Variants in CTDSPL2 observed in about 807,000 individuals in gnomAD.
CTDSPL2 encodes the protein CTD small phosphatase-like protein 2.
In CTDSPL2, 5 loss-of-function variants were observed where a neutral mutation model predicts 60.0. The observed-to-expected ratio is 0.08, with a 90% CI of 0.04 to 0.18. The LOEUF (loss-of-function observed/expected upper bound fraction) is 0.18. CTDSPL2 is among the 10% of genes least tolerant of loss of function. CTDSPL2 has a pLI of 1.00. For synonymous variants in CTDSPL2, 186 were observed against 189.3 expected (o/e 0.98, Z 0.14); for missense variants, 370 against 548.8 (o/e 0.67, Z 3.26).
chr15:44,455,421 C>T (rs1341198899), intron 1 of CTDSPL2, among the ~76,000 whole-genome samples: 3 of 152,094 alleles, frequency 2.0e-5, no homozygotes, highest in Admixed American at 6.6e-5. Context: ...TTTCTTTCTC[C>T]TGCCTTATTG....
chr15:44,489,136 C>G (rs550660750), intron 4 of CTDSPL2, among the ~76,000 whole-genome samples: 2 of 150,056 alleles, frequency 1.3e-5, no homozygotes, highest in Admixed American at 6.7e-5. Context: ...TCTCTTCCCC[C>G]CTCCCCCCCA....
intron 1 of CTDSPL2, among the ~76,000 whole-genome samples, chr15:44,441,903 A>G (rs1231432060): frequency 6.6e-6 from 1 of 151,996 alleles, no homozygotes; most frequent in Non-Finnish European, 1.5e-5. Context: ...TAATTCCCCG[A>G]CTTCTTTGCC....
rs1312588839 is a variant in CTDSPL2, at chr15:44,479,065, AAAAC to A, written c.187-5147_187-5144del. On this transcript the variant is annotated intron_variant, in intron 2 of 12. Transcript: ENST00000260327. Reference sequence around the variant, plus strand: ...ATGTCTGTCTTCATTTCTTTAAAAAAAAACAAACAAACAAAAAAAAAAAAACAAG... The same window carrying A: ...ATGTCTGTCTTCATTTCTTTAAAAAAAAACAAACAAAAAAAAAAAAACAAG... Among the ~76,000 whole-genome samples the A allele has an allele frequency of 1.7e-3, 258 of 151,324 alleles. 2 individuals are homozygous for A. Among genetic ancestry groups the A allele is most frequent in the African/African-American group, 5.8e-3 (235 of 40,806 alleles).
At chr15:44,447,265 A>G (rs756377798) in intron 1 of CTDSPL2, among the ~76,000 whole-genome samples, 15 of 152,174 alleles carry the variant, frequency 9.9e-5, no homozygotes, top group Non-Finnish European at 1.9e-4. Context: ...TCAGGTAAAT[A>G]TAGTATTTTA....
In CTDSPL2 at chr15:44,467,608, C is replaced by G. The variant is rs572798989; in HGVS notation, c.186+8408C>G. Among the ~76,000 whole-genome samples, 23 of 152,202 alleles carry G rather than the reference C, an allele frequency of 1.5e-4. No homozygotes were observed. In the South Asian group the frequency reaches 4.8e-3, roughly 32 times the overall value. On this transcript the variant is annotated intron_variant, in intron 2 of 12. Transcript: ENST00000260327. ...ATTTTTTTTGAGACGGAGTCTCACT[C>G]TCTCGCCCAGGCTGGAGTACAGTGG...
chr15:44,522,730 G>A (rs1435188018), intron 12 of CTDSPL2, among the ~76,000 whole-genome samples: 1 of 152,076 alleles, frequency 6.6e-6, no homozygotes, highest in Non-Finnish European at 1.5e-5. Flanking sequence ...TCCAGCCTGG[G>A]CAACAGAGTG....
At chr15:44,487,218 C>T (rs1442758954) in intron 4 of CTDSPL2, among the ~76,000 whole-genome samples, 1 of 152,110 alleles carries the variant, frequency 6.6e-6, no homozygotes, top group African/African-American at 2.4e-5. Context: ...CTTCGGGAAG[C>T]CAAGACAGGA....
intron 7 of CTDSPL2, among the ~76,000 whole-genome samples, chr15:44,497,968 G>T (rs536389476): frequency 6.6e-6 from 1 of 152,146 alleles, no homozygotes; most frequent in African/African-American, 2.4e-5. Flanking sequence ...CTGTGCTCCA[G>T]CCTGGGCAAC....
intron 8 of CTDSPL2, among the ~76,000 whole-genome samples, chr15:44,512,410 C>G (rs754984447): frequency 6.6e-6 from 1 of 151,966 alleles, no homozygotes; most frequent in African/African-American, 2.4e-5. Context: ...ACACTGGCAA[C>G]AAGTAAAAGG....
chr15:44,435,054 G>A (rs1284245060), intron 1 of CTDSPL2, among the ~76,000 whole-genome samples: 1 of 152,080 alleles, frequency 6.6e-6, no homozygotes, highest in African/African-American at 2.4e-5. Context: ...AAGGTCAGGA[G>A]TTTGAGACCA....
Position 44,489,138 on chromosome 15 carries a change from T to TC in CTDSPL2, c.476-1639dup, listed in dbSNP as rs948019917. 6.8e-5 allele frequency among the ~76,000 whole-genome samples: 5 copies of TC among 73,294 alleles called. No individual in the cohort carries two copies. The South Asian group carries it at 2.4e-3, about 35-fold the overall frequency. 48.1% of individuals were successfully genotyped at this position (73,294 alleles called of 152,430 possible). A position where few individuals can be genotyped will look rare whatever the true frequency, so the allele number is the denominator to read the frequency against. On this transcript the variant is annotated intron_variant, in intron 4 of 12. Transcript: ENST00000260327. ...ACTCCCACATCTGTCTCTTCCCCCCTCCCCCCCACCTACCTCCTCCCCTCC... is the reference window on the plus strand; with the variant it reads ...ACTCCCACATCTGTCTCTTCCCCCCTCCCCCCCCACCTACCTCCTCCCCTCC...
chr15:44,500,237 A>G (rs2080315108), intron 8 of CTDSPL2, among the ~76,000 whole-genome samples: 1 of 152,232 alleles, frequency 6.6e-6, no homozygotes, highest in African/African-American at 2.4e-5. Context: ...TGTGAAAATT[A>G]CACTTTAGTA....
chr15:44,492,997 TG>T (rs1186784380), intron 5 of CTDSPL2, among the ~76,000 whole-genome samples: 2 of 152,228 alleles, frequency 1.3e-5, no homozygotes, highest in Non-Finnish European at 2.9e-5. Context: ...AAAGGATTTC[TG>T]TAACTTAGCG....
rs531285729 is a variant in CTDSPL2, at chr15:44,470,374, T to C, written c.186+11174T>C. The C allele has an allele frequency of 1.5e-4, 23 of 152,176 alleles. No homozygotes were observed. In the South Asian group the frequency reaches 4.8e-3, roughly 32 times the overall value. The allele number at this position is 152,176 out of a possible 1,614,324, so 9.4% of individuals were successfully genotyped here. On this transcript the variant is annotated intron_variant, in intron 2 of 12. Transcript: ENST00000260327. The stretch of plus-strand genomic sequence containing the variant: ...TTTTAATATTGATATAGCCATACAG[T>C]TTTCTTACTTACTATTTGCATGATA...
Position 44,527,404 on chromosome 15 carries a change from G to T in CTDSPL2, c.*3230G>T, listed in dbSNP as rs1208726610. 3 of 151,542 alleles carry T rather than the reference G, an allele frequency of 2.0e-5. No homozygotes were observed. The highest frequency in any genetic ancestry group is 7.3e-5 in the African/African-American group (3 of 41,224). The allele number at this position is 151,542 out of a possible 1,614,324, so 9.4% of individuals were successfully genotyped here. A position where few individuals can be genotyped will look rare whatever the true frequency, so the allele number is the denominator to read the frequency against. On this transcript the variant is annotated 3_prime_UTR_variant, in exon 13 of 13. Coordinates refer to ENST00000260327, the MANE Select transcript of CTDSPL2 (RefSeq NM_016396.3). ...AGTTCGTTTCTCATTGTTTTGTTCT[G>T]TCAACTTGCCTGAAAAACAGAGACT...
intron 2 of CTDSPL2, among the ~76,000 whole-genome samples, chr15:44,479,407 CTTTTTTTTTTTT>C (rs11414036): frequency 2.0e-5 from 2 of 97,890 alleles, no homozygotes; most frequent in Non-Finnish European, 4.0e-5. Context: ...ATTTTCTTTC[CTTTTTTTTTTTT>C]TTTTTTTTTT....
intron 8 of CTDSPL2, among the ~76,000 whole-genome samples, chr15:44,507,599 CTCTT>C (rs1235459413): frequency 1.3e-5 from 2 of 152,158 alleles, no homozygotes; most frequent in Admixed American, 1.3e-4. Flanking sequence ...CTGAATAACC[CTCTT>C]TCTTTGGAGA....
At position 44,523,388 on chromosome 15, in the gene CTDSPL2, C is replaced by CTACATACA. The variant is rs61461067; in HGVS notation, c.1336-670_1336-663dup. ...AGGGCAACATAGTGAGACCTCATCT[C>CTACATACA]TACATACATACATACATACATACAT... On this transcript the variant is annotated intron_variant, in intron 12 of 12. Transcript: ENST00000260327. Among the ~76,000 whole-genome samples the CTACATACA allele has an allele frequency of 9.0e-3, 1,304 of 145,096 alleles. 9 individuals are homozygous for CTACATACA. Among genetic ancestry groups the CTACATACA allele is most frequent in the East Asian group, 0.035 (168 of 4,850 alleles).
In CTDSPL2 at chr15:44,529,029, T is replaced by C. The variant is rs2081907510; in HGVS notation, c.*4855T>C. The C allele has an allele frequency of 6.6e-6, 1 of 152,224 alleles. No homozygotes were observed. Among genetic ancestry groups the C allele is most frequent in the African/African-American group, 2.4e-5 (1 of 41,466 alleles). 9.4% of individuals were successfully genotyped at this position (152,224 alleles called of 1,614,324 possible). On this transcript the variant is annotated 3_prime_UTR_variant, in exon 13 of 13. Coordinates refer to ENST00000260327, the MANE Select transcript of CTDSPL2 (RefSeq NM_016396.3). ...TTGTTGTGGGGATAAATAAAACTTT[T>C]ATGGAAGCACTTCTCTTTGATGATA... is the stretch of plus-strand genomic sequence containing the variant.
Sources: gnomAD v4.1 joint callset for allele counts (sites outside exome capture counted in the v4.1 genomes callset) on GRCh38, gnomAD v4.1.1 for gene constraint, MANE v1.5 for transcripts, NCBI Gene and HGNC (gene_info 2026-07-23, HGNC 2026-07-21) for gene names.